The following FOXN2 variants were observed in gnomAD, a reference collection of about 807,000 sequenced individuals.
FOXN2 encodes forkhead box N2.
FOXN2 carries 19 observed loss-of-function variants against 41.2 expected under a neutral mutation model. The observed-to-expected ratio is 0.46, with a 90% CI of 0.32 to 0.68. FOXN2 has a LOEUF of 0.68. Ranked by LOEUF, FOXN2 falls within the 30% of genes least tolerant of loss-of-function variation. The pLI is 0.03. For missense variants in FOXN2, 587 were observed against 509.4 expected, an observed-to-expected ratio of 1.15 and a Z score of -1.47; for synonymous variants, 195 against 176.8, an observed-to-expected ratio of 1.10 and a Z score of -0.82.
At chr2:48,351,240 G>T (rs923576766) in intron 3 of FOXN2, among the ~76,000 whole-genome samples, 22 of 151,414 alleles carry the variant, frequency 1.5e-4, no homozygotes, top group Non-Finnish European at 1.2e-4. Context: ...GGGATTACAG[G>T]TGTGAGCCAC....
chr2:48,374,783 TAA>T, intron 6 of FOXN2, 135 bp from the exon 7 acceptor site: 1 of 699,090 alleles, frequency 1.4e-6, no homozygotes, highest in Non-Finnish European at 2.3e-6. Flanking sequence ...GTGATCTGGG[TAA>T]AAAAAAATAA....
chr2:48,350,718 C>G (rs533343054), intron 3 of FOXN2, among the ~76,000 whole-genome samples: 162 of 152,318 alleles, frequency 1.1e-3, no homozygotes, highest in African/African-American at 3.7e-3. Flanking sequence ...TGCCTGCAGT[C>G]TTCCTCTGGA....
chr2:48,334,841 G>GC (rs980343665), intron 2 of FOXN2, among the ~76,000 whole-genome samples: 2 of 152,080 alleles, frequency 1.3e-5, no homozygotes, highest in Non-Finnish European at 2.9e-5. Flanking sequence ...TTCCCTTTAT[G>GC]CCCCCAGGGT....
At chr2:48,316,698 G>A (rs1668941242) in intron 1 of FOXN2, among the ~76,000 whole-genome samples, 2 of 152,110 alleles carry the variant, frequency 1.3e-5, no homozygotes, top group African/African-American at 4.8e-5. Context: ...ATGAACTTTT[G>A]GAGAGTTTGG....
Position 48,317,595 on chromosome 2 carries a change from C to CT in FOXN2, c.-157+2811dup, listed in dbSNP as rs574980247. Among the ~76,000 whole-genome samples, 328 of 34,722 alleles carry CT rather than the reference C, an allele frequency of 9.4e-3. 98 individuals carry two copies. The highest frequency in any genetic ancestry group is 0.026 in the African/African-American group (303 of 11,498). The allele number at this position is 34,722 out of a possible 152,430, so 22.8% of individuals were successfully genotyped here. On this transcript the variant is annotated intron_variant, in intron 1 of 6. Coordinates refer to ENST00000340553, the MANE Select transcript of FOXN2 (RefSeq NM_002158.4). ...ACAATGCCTATAGCCTATAGTATTG[C>CT]TTTTTTTTTTTTTTTTTTTTTTTTT...
intron 2 of FOXN2, among the ~76,000 whole-genome samples, chr2:48,344,389 A>G (rs1204012423): frequency 6.6e-6 from 1 of 152,192 alleles, no homozygotes; most frequent in African/African-American, 2.4e-5. Context: ...GATTTGAGTC[A>G]TTGGTGCTCA....
intron 2 of FOXN2, among the ~76,000 whole-genome samples, chr2:48,344,498 G>A (rs1019385892): frequency 3.3e-5 from 5 of 152,126 alleles, no homozygotes; most frequent in African/African-American, 1.2e-4. Flanking sequence ...TTCCACTTAC[G>A]CTTAACCTCT....
chr2:48,337,498 G>T (rs1219288032), intron 2 of FOXN2, among the ~76,000 whole-genome samples: 1 of 151,744 alleles, frequency 6.6e-6, no homozygotes, highest in African/African-American at 2.4e-5. Flanking sequence ...TACAGATGGG[G>T]TTTCACCATG....
chr2:48,344,840 A>ATCCC (rs1491540182), intron 2 of FOXN2, among the ~76,000 whole-genome samples: 1 of 129,120 alleles, frequency 7.7e-6, no homozygotes, highest in Non-Finnish European at 1.6e-5. Flanking sequence ...CTCTGGAGGT[A>ATCCC]CCCCCCCCCC....
At position 48,339,143 on chromosome 2, in the gene FOXN2, A is replaced by G. The variant is rs371967895; in HGVS notation, c.-14-7058A>G. Among the ~76,000 whole-genome samples the G allele has an allele frequency of 9.8e-5, 15 of 152,340 alleles. No homozygotes were observed. The East Asian group carries it at 2.1e-3, about 22-fold the overall frequency. The stretch of plus-strand genomic sequence containing the variant: ...TCTATATATCCATATACAGATATAT[A>G]TGAATGAATAAAAAGGTCTTCTGCC... On this transcript the variant is annotated intron_variant, in intron 2 of 6. Transcript: ENST00000340553.
chr2:48,357,094 CAG>C (rs1671842730), intron 3 of FOXN2, among the ~76,000 whole-genome samples: 2 of 152,220 alleles, frequency 1.3e-5, no homozygotes, highest in Admixed American at 6.5e-5. Flanking sequence ...TTAGCAAATA[CAG>C]AGTTTTATCT....
At chr2:48,336,274 G>T (rs957460905) in intron 2 of FOXN2, among the ~76,000 whole-genome samples, 1 of 151,576 alleles carries the variant, frequency 6.6e-6, no homozygotes, top group African/African-American at 2.4e-5. Context: ...CGGGTGTGGT[G>T]GTGCACGCCT....
chr2:48,371,849 G>T (rs982297853), intron 5 of FOXN2, among the ~76,000 whole-genome samples: 1 of 152,010 alleles, frequency 6.6e-6, no homozygotes, highest in Non-Finnish European at 1.5e-5. Context: ...TTGTTGTTTT[G>T]TGTGTAGAGA....
intron 5 of FOXN2, among the ~76,000 whole-genome samples, chr2:48,373,065 C>T (rs962619121): frequency 1.3e-5 from 2 of 152,088 alleles, no homozygotes; most frequent in African/African-American, 2.4e-5. Context: ...TGGTATCTCT[C>T]CATCTCTTTT....
At chr2:48,351,164 G>A (rs1671422233) in intron 3 of FOXN2, among the ~76,000 whole-genome samples, 2 of 152,044 alleles carry the variant, frequency 1.3e-5, no homozygotes, top group South Asian at 4.1e-4. Flanking sequence ...GTTTTGCCAT[G>A]CTGCCCAGGC....
chr2:48,317,595 CTTTTT>C (rs574980247), intron 1 of FOXN2, among the ~76,000 whole-genome samples: 8 of 34,710 alleles, frequency 2.3e-4, no homozygotes, highest in Admixed American at 5.2e-4. Context: ...TATAGTATTG[CTTTTT>C]TTTTTTTTTT....
At chr2:48,329,864 A>G (rs1396146116) in intron 2 of FOXN2, among the ~76,000 whole-genome samples, 1 of 151,942 alleles carries the variant, frequency 6.6e-6, no homozygotes, top group Non-Finnish European at 1.5e-5. Context: ...GAGGTTTACC[A>G]GTGTTTTTAG....
In FOXN2 at chr2:48,328,690, C is replaced by T. The variant is rs1280056559; in HGVS notation, c.-27C>T. 6.6e-6 allele frequency: 1 copy of T among 152,130 alleles called. No individual in the cohort carries two copies. The highest frequency in any genetic ancestry group is 2.4e-5 in the African/African-American group (1 of 41,424). The allele number at this position is 152,130 out of a possible 1,614,324, so 9.4% of individuals were successfully genotyped here. A position where few individuals can be genotyped will look rare whatever the true frequency, so the allele number is the denominator to read the frequency against. On this transcript the variant is annotated 5_prime_UTR_variant, in exon 2 of 7. Coordinates refer to ENST00000340553, the MANE Select transcript of FOXN2 (RefSeq NM_002158.4). ...ACTTATAGTACAGGTGATATTACTTCTGATTCTAGATGGTAAGTATATTTT... is the reference window on the plus strand; with the variant it reads ...ACTTATAGTACAGGTGATATTACTTTTGATTCTAGATGGTAAGTATATTTT...
At chr2:48,347,428 A>G (rs1426692565) in intron 3 of FOXN2, among the ~76,000 whole-genome samples, 5 of 151,656 alleles carry the variant, frequency 3.3e-5, no homozygotes, top group African/African-American at 9.7e-5. Context: ...GGGTTTTGCC[A>G]TGTTGTCCAG....
Sources: gnomAD v4.1 joint callset for allele counts (sites outside exome capture counted in the v4.1 genomes callset) on GRCh38, gnomAD v4.1.1 for gene constraint, MANE v1.5 for transcripts, NCBI Gene and HGNC (gene_info 2026-07-23, HGNC 2026-07-21) for gene names.